Variants in SCUBE2 observed in about 807,000 individuals in gnomAD.
The protein encoded by SCUBE2 is signal peptide, CUB domain and EGF like domain containing 2.
A neutral mutation model predicts 125.9 loss-of-function variants in SCUBE2; 114 were observed. That is an observed-to-expected ratio of 0.91 (90% CI 0.78 to 1.06). The LOEUF is 1.06. Among genes scored for constraint, SCUBE2 ranks in the 50% least tolerant of loss-of-function variants. The pLI, the probability that SCUBE2 is intolerant of heterozygous loss-of-function variation, is 0.00. For synonymous variants in SCUBE2, 459 were observed against 492.9 expected (o/e 0.93, Z 0.91); for missense variants, 1,255 against 1,301.8 (o/e 0.96, Z 0.55).
At chr11:9,066,088 T>G in intron 6 of SCUBE2, 108 bp from the exon 7 acceptor site, 1 of 737,216 alleles carries the variant, frequency 1.4e-6, no homozygotes, top group Non-Finnish European at 2.3e-6. Context: ...ATGAAAGATA[T>G]GTGACTCTGT....
At chr11:9,079,332 G>A in intron 3 of SCUBE2, 52 bp downstream of exon 3, 1 of 1,608,024 alleles carries the variant, frequency 6.2e-7, no homozygotes, top group Middle Eastern at 1.7e-4. Context: ...CCAAGGGAAA[G>A]AAAGGGGTGG....
chr11:9,054,818 C>T (rs1374676652), intron 10 of SCUBE2, among the ~76,000 whole-genome samples: 4 of 144,184 alleles, frequency 2.8e-5, no homozygotes, highest in African/African-American at 1.0e-4. Context: ...TCACTGCAAC[C>T]TCCACCTCCC....
At chr11:9,053,074 G>A in intron 12 of SCUBE2, 25 bp downstream of exon 12, 1 of 1,593,516 alleles carries the variant, frequency 6.3e-7, no homozygotes, top group Non-Finnish European at 8.6e-7. Context: ...GTGAGGACCT[G>A]CCCCGGGAAC....
At position 9,021,864 on chromosome 11, in the gene SCUBE2, C is replaced by G; in HGVS notation, c.2934+12G>C. 1.2e-6 allele frequency: 2 copies of G among 1,605,754 alleles called. No homozygotes were observed. Among genetic ancestry groups the G allele is most frequent in the Non-Finnish European group, 1.7e-6 (2 of 1,172,860 alleles). On this transcript the variant is annotated intron_variant, in intron 22 of 22. Coordinates refer to ENST00000649792, the MANE Select transcript of SCUBE2 (RefSeq NM_001367977.2). ...TGGATAACTGCCATGTCCACCTGAG[C>G]CAGGCACTCACCTTAAGTATTTCCT... is the stretch of plus-strand genomic sequence containing the variant.
chr11:9,069,244 C>T, intron 5 of SCUBE2, 126 bp downstream of exon 5: 1 of 1,209,870 alleles, frequency 8.3e-7, no homozygotes, highest in African/African-American at 1.5e-5. Flanking sequence ...AGGTCGGTAT[C>T]CCGTGCTAAC....
chr11:9,055,718 C>T lies in SCUBE2; in HGVS notation c.1207+75G>A, dbSNP rs531596197. 5 of 1,158,588 alleles carry T rather than the reference C, an allele frequency of 4.3e-6. No homozygotes were observed. The African/African-American group carries it at 7.5e-5, about 17-fold the overall frequency. The allele number at this position is 1,158,588 out of a possible 1,614,324, so 71.8% of individuals were successfully genotyped here. ...TCATACCCCAATGTAGGAAAGCAAA[C>T]CTCAGGGGTAGGCCCTGCTCCCCTC... On this transcript the variant is annotated intron_variant, in intron 10 of 22. Coordinates refer to ENST00000649792, the MANE Select transcript of SCUBE2 (RefSeq NM_001367977.2).
intron 13 of SCUBE2, among the ~76,000 whole-genome samples, chr11:9,052,137 G>A (rs1444406759): frequency 6.6e-6 from 1 of 152,198 alleles, no homozygotes; most frequent in Non-Finnish European, 1.5e-5. Context: ...TATGGTAGCT[G>A]GCATATTTGA....
At chr11:9,047,269 AGGAT>A in intron 16 of SCUBE2, 83 bp downstream of exon 16, 1 of 1,336,818 alleles carries the variant, frequency 7.5e-7, no homozygotes, top group Middle Eastern at 1.8e-4. Flanking sequence ...CTGAGAAGGG[AGGAT>A]GGGCCAGACT....
At chr11:9,042,145 T>C (rs2135317722) in intron 16 of SCUBE2, among the ~76,000 whole-genome samples, 1 of 152,208 alleles carries the variant, frequency 6.6e-6, no homozygotes, top group South Asian at 2.1e-4. Context: ...GGAGCACTTC[T>C]CTCCCTGGCC....
In SCUBE2 at chr11:9,029,393, C is replaced by T. The variant is rs150447344; in HGVS notation, c.2503+491G>A. 4.9e-3 allele frequency among the ~76,000 whole-genome samples: 743 copies of T among 152,288 alleles called. 9 individuals are homozygous for T. The highest frequency in any genetic ancestry group is 0.048 in the Middle Eastern group (14 of 294). ...TCTCTCAAACATAAGGCTCTTTCTC[C>T]TACTCTTTCCCCACCCTCTCCATCA... is the stretch of plus-strand genomic sequence containing the variant. On this transcript the variant is annotated intron_variant, in intron 19 of 22. Transcript: ENST00000649792.
intron 3 of SCUBE2, among the ~76,000 whole-genome samples, chr11:9,075,205 TAAAA>T (rs5789594): frequency 7.0e-4 from 87 of 123,888 alleles, no homozygotes; most frequent in Admixed American, 1.4e-3. Flanking sequence ...AGACGCCATC[TAAAA>T]AAAAAAAAAA....
chr11:9,070,967 G>T (rs1485234631), intron 4 of SCUBE2, among the ~76,000 whole-genome samples: 1 of 152,224 alleles, frequency 6.6e-6, no homozygotes, highest in Non-Finnish European at 1.5e-5. Flanking sequence ...AACACAGAAA[G>T]AGACTTGCAC....
rs1210139116 is a variant in SCUBE2 at position 9,053,231 on chromosome 11, C to G, written c.1331-16G>C. ...CCCTTCACTTCTAGACAGGACAAAA[C>G]AGACACTTACAGAAAGAGAAGGACA... On this transcript the variant is annotated splice_polypyrimidine_tract_variant and intron_variant, in intron 11 of 22. Coordinates refer to ENST00000649792, the MANE Select transcript of SCUBE2 (RefSeq NM_001367977.2). 1 of 1,590,710 alleles carries G rather than the reference C, an allele frequency of 6.3e-7. No homozygotes were observed. Among genetic ancestry groups the G allele is most frequent in the East Asian group, 2.2e-5 (1 of 44,766 alleles).
At position 9,091,437 on chromosome 11, in the gene SCUBE2, G is replaced by T. The variant is rs750773819; in HGVS notation, c.92C>A (p.Ala31Asp). The change falls in exon 1 of 23, where the codon GCC becomes GAC. Residue 31 changes from alanine to aspartate, a missense_variant. Ala to Asp is a moderately radical substitution (Grantham distance 126). Transcript: ENST00000649792. This position sits in a 1 kb window ranked among gnomAD's most constrained non-coding sequence, Gnocchi z 8.5. Reference protein sequence around the residue: ...LLPPLLLLAGAVPPGRGRAAG... With the variant: ...LLPPLLLLAGDVPPGRGRAAG... ...GGCACGGCCCCGACCCGGCGGGACG[G>T]CCCCCGCCAGCAGCAGCAGTGGCGG... 9 of 1,329,868 alleles carry T rather than the reference G, an allele frequency of 6.8e-6. No homozygotes were observed. The highest frequency in any genetic ancestry group is 7.7e-6 in the Non-Finnish European group (8 of 1,042,208). 82.4% of individuals were successfully genotyped at this position (1,329,868 alleles called of 1,614,324 possible). A position where few individuals can be genotyped will look rare whatever the true frequency, so the allele number is the denominator to read the frequency against.
intron 1 of SCUBE2, among the ~76,000 whole-genome samples, 191 bp from the exon 2 acceptor site, chr11:9,090,020 G>A (rs987166904): frequency 1.3e-5 from 2 of 152,042 alleles, no homozygotes; most frequent in South Asian, 2.1e-4. Flanking sequence ...GACACTCTAC[G>A]TGAAATTACC....
chr11:9,063,830 G>T (rs944319477), intron 7 of SCUBE2, among the ~76,000 whole-genome samples: 1 of 152,196 alleles, frequency 6.6e-6, no homozygotes, highest in African/African-American at 2.4e-5. Context: ...CAAGAAAATT[G>T]ATTTGATTAG....
In SCUBE2 at chr11:9,020,816, G is replaced by A. The variant is rs1855238062; in HGVS notation, c.*229C>T. ...ATCCAAGACATCCGCCCACAGCAGT[G>A]AGAAGCTGATGCCACTCAAAGCCAT... is the stretch of plus-strand genomic sequence containing the variant. On this transcript the variant is annotated 3_prime_UTR_variant, in exon 23 of 23. Transcript: ENST00000649792. 2.3e-6 allele frequency: 1 copy of A among 433,016 alleles called. No individual in the cohort carries two copies. Among genetic ancestry groups the A allele is most frequent in the African/African-American group, 2.0e-5 (1 of 49,724 alleles). The allele number at this position is 433,016 out of a possible 1,614,324, so 26.8% of individuals were successfully genotyped here. A position where few individuals can be genotyped will look rare whatever the true frequency, so the allele number is the denominator to read the frequency against.
intron 16 of SCUBE2, among the ~76,000 whole-genome samples, chr11:9,041,965 G>C (rs1857293649): frequency 6.6e-6 from 1 of 152,146 alleles, no homozygotes; most frequent in Non-Finnish European, 1.5e-5. Flanking sequence ...GCAAGATAGA[G>C]GGGGGCCTTA....
chr11:9,089,577 T>A, intron 2 of SCUBE2, 130 bp downstream of exon 2: 2 of 974,834 alleles, frequency 2.1e-6, no homozygotes, highest in Non-Finnish European at 3.1e-6. Context: ...AGAGAGCAGG[T>A]GATGTGATTC....
Sources: allele counts gnomAD v4.1 joint callset (sites outside exome capture counted in the v4.1 genomes callset), GRCh38; gene constraint gnomAD v4.1.1; non-coding constraint Gnocchi (gnomAD v3.1); transcripts MANE v1.5; gene names NCBI Gene and HGNC (gene_info 2026-07-23, HGNC 2026-07-21).